Variants in SDK1 observed in about 807,000 individuals in gnomAD.
SDK1 encodes sidekick cell adhesion molecule 1, also known as protein sidekick-1.
Under a neutral mutation model 245.5 loss-of-function variants are expected in SDK1, and 157 were observed. The observed-to-expected ratio is 0.64, with a 90% CI of 0.56 to 0.73. SDK1 has a LOEUF of 0.73. Among genes scored for constraint, SDK1 ranks in the 30% least tolerant of loss-of-function variants. SDK1 has a pLI of 0.00. For synonymous variants in SDK1, 1,647 were observed against 1,278.5 expected (o/e 1.29, Z -6.15); for missense variants, 3,583 against 3,002.3 (o/e 1.19, Z -4.52).
At chr7:3,936,425 GAAAA>G (rs535566671) in intron 5 of SDK1, among the ~76,000 whole-genome samples, 3 of 149,372 alleles carry the variant, frequency 2.0e-5, no homozygotes, top group African/African-American at 7.4e-5. Flanking sequence ...ACTAAAAATA[GAAAA>G]AAAAAATTAG....
intron 4 of SDK1, among the ~76,000 whole-genome samples, chr7:3,730,834 C>G (rs1220878878): frequency 6.6e-6 from 1 of 152,164 alleles, no homozygotes; most frequent in African/African-American, 2.4e-5. Context: ...GTGCCTACCA[C>G]ACTCTGGCCT....
chr7:4,120,468 G>C lies in SDK1; in HGVS notation c.3823+6194G>C, dbSNP rs752564289. 2.0e-5 allele frequency among the ~76,000 whole-genome samples: 3 copies of C among 148,772 alleles called. 1 individual carries two copies. Among genetic ancestry groups the C allele is most frequent in the Non-Finnish European group, 4.5e-5 (3 of 66,644 alleles). ...AAGACAATGGGATAATAATCTCGAAGGAGCTAAAAGCAAATAACTGCCAAC... is the reference window on the plus strand; with the variant it reads ...AAGACAATGGGATAATAATCTCGAACGAGCTAAAAGCAAATAACTGCCAAC... On this transcript the variant is annotated intron_variant, in intron 25 of 44. Coordinates refer to ENST00000404826, the MANE Select transcript of SDK1 (RefSeq NM_152744.4).
intron 5 of SDK1, among the ~76,000 whole-genome samples, chr7:3,913,730 C>T (rs1278306574): frequency 2.6e-5 from 4 of 152,174 alleles, no homozygotes; most frequent in Non-Finnish European, 5.9e-5. Context: ...TATTGACATC[C>T]ATCTATTCTT....
chr7:3,317,142 C>G (rs1426899599), intron 1 of SDK1, among the ~76,000 whole-genome samples: 1 of 125,392 alleles, frequency 8.0e-6, no homozygotes, highest in Admixed American at 1.0e-4. Flanking sequence ...GACCGCACCA[C>G]TGCATTCCAA....
intron 4 of SDK1, among the ~76,000 whole-genome samples, chr7:3,696,301 A>C (rs540033311): frequency 1.3e-5 from 2 of 151,944 alleles, no homozygotes; most frequent in Non-Finnish European, 2.9e-5. Context: ...TGGATCCCCC[A>C]ATCACGTGAT....
intron 4 of SDK1, among the ~76,000 whole-genome samples, chr7:3,762,800 A>G (rs1281839612): frequency 6.6e-6 from 1 of 152,222 alleles, no homozygotes. Context: ...AATCACTGTC[A>G]TTTATGTAGT....
chr7:3,377,569 C>T (rs1781385193), intron 1 of SDK1, among the ~76,000 whole-genome samples: 1 of 151,984 alleles, frequency 6.6e-6, no homozygotes, highest in Non-Finnish European at 1.5e-5. Flanking sequence ...TGCTTTTCAT[C>T]CCACGACTCC....
chr7:4,072,304 C>T (rs569913458), intron 20 of SDK1, among the ~76,000 whole-genome samples: 179 of 152,288 alleles, frequency 1.2e-3, no homozygotes, highest in African/African-American at 4.1e-3. Context: ...AGGTTCCTCT[C>T]GGCAGCCACG....
chr7:4,199,897 A>G (rs1262811752), intron 35 of SDK1, among the ~76,000 whole-genome samples: 3 of 152,080 alleles, frequency 2.0e-5, no homozygotes, highest in Non-Finnish European at 4.4e-5. Flanking sequence ...TGTCATCCTC[A>G]CTGACACACC....
At chr7:3,558,070 A>C (rs951501870) in intron 1 of SDK1, among the ~76,000 whole-genome samples, 23 of 149,152 alleles carry the variant, frequency 1.5e-4, no homozygotes, top group African/African-American at 5.5e-4. Flanking sequence ...ATAGTCCCCA[A>C]AGACTTTAGA....
Position 4,142,743 on chromosome 7 carries a change from G to A in SDK1, c.4229-2979G>A, listed in dbSNP as rs183702388. 5.9e-5 allele frequency among the ~76,000 whole-genome samples: 9 copies of A among 152,296 alleles called. 1 individual carries two copies. The highest frequency in any genetic ancestry group is 2.1e-4 in the South Asian group (1 of 4,826). On this transcript the variant is annotated intron_variant, in intron 28 of 44. Transcript: ENST00000404826. Reference sequence around the variant, plus strand: ...CTCCCAAAATGCTGGGATTACAGGCGTGAGCCACTGTGCCTGGCTGCTTTG... The same window carrying A: ...CTCCCAAAATGCTGGGATTACAGGCATGAGCCACTGTGCCTGGCTGCTTTG...
chr7:3,634,629 C>T (rs1482685630), intron 2 of SDK1, among the ~76,000 whole-genome samples: 1 of 152,108 alleles, frequency 6.6e-6, no homozygotes, highest in Non-Finnish European at 1.5e-5. Context: ...GGAAACTTTG[C>T]CTGCTTAAAA....
At position 3,352,565 on chromosome 7, in the gene SDK1, A is replaced by G. The variant is rs112176172; in HGVS notation, c.298+50681A>G. Among the ~76,000 whole-genome samples the G allele has an allele frequency of 2.7e-4, 41 of 152,236 alleles. 3 individuals are homozygous for G. Among genetic ancestry groups the G allele is most frequent in the African/African-American group, 7.0e-4 (29 of 41,526 alleles). On this transcript the variant is annotated intron_variant, in intron 1 of 44. Coordinates refer to ENST00000404826, the MANE Select transcript of SDK1 (RefSeq NM_152744.4). ...CTGTAGTTACGTGTTCTTTGGCCAGACACCTAAGGAAATTTGAGGCTCAGA... is the reference window on the plus strand; with the variant it reads ...CTGTAGTTACGTGTTCTTTGGCCAGGCACCTAAGGAAATTTGAGGCTCAGA...
intron 1 of SDK1, among the ~76,000 whole-genome samples, chr7:3,445,738 C>T (rs1336019962): frequency 6.6e-6 from 1 of 152,114 alleles, no homozygotes; most frequent in African/African-American, 2.4e-5. Flanking sequence ...CTTCTACACA[C>T]ATTAAGAATC....
At chr7:3,347,898 T>A (rs928317051) in intron 1 of SDK1, among the ~76,000 whole-genome samples, 1 of 152,156 alleles carries the variant, frequency 6.6e-6, no homozygotes, top group Non-Finnish European at 1.5e-5. Flanking sequence ...ATATGTTTTT[T>A]TTTTTTTCCT....
At chr7:3,632,285 C>T (rs924434873) in intron 2 of SDK1, among the ~76,000 whole-genome samples, 9 of 152,138 alleles carry the variant, frequency 5.9e-5, no homozygotes, top group Non-Finnish European at 8.8e-5. Flanking sequence ...GAATGAATGA[C>T]GAATGCATAA....
intron 1 of SDK1, among the ~76,000 whole-genome samples, chr7:3,345,493 C>A (rs999169551): frequency 3.9e-5 from 6 of 152,144 alleles, no homozygotes; most frequent in Admixed American, 6.5e-5. Context: ...GACATTCTTA[C>A]AATAAGCATG....
intron 5 of SDK1, among the ~76,000 whole-genome samples, chr7:3,903,465 G>A (rs562449985): frequency 6.6e-6 from 1 of 152,124 alleles, no homozygotes; most frequent in Middle Eastern, 3.4e-3. Context: ...TTTCTTAATG[G>A]AAAATTGGAA....
chr7:3,375,314 C>A (rs1267346379), intron 1 of SDK1, among the ~76,000 whole-genome samples: 1 of 152,088 alleles, frequency 6.6e-6, no homozygotes, highest in Admixed American at 6.6e-5. Context: ...CAGGACTAGA[C>A]AGAAAATGAA....
Sources: gnomAD v4.1 joint callset for allele counts (sites outside exome capture counted in the v4.1 genomes callset) on GRCh38, gnomAD v4.1.1 for gene constraint, MANE v1.5 for transcripts, NCBI Gene and HGNC (gene_info 2026-07-23, HGNC 2026-07-21) for gene names.